The following LRRTM4 variants were observed in gnomAD, a reference collection of about 807,000 sequenced individuals.
LRRTM4 encodes the protein leucine-rich repeat transmembrane neuronal protein 4.
A neutral mutation model predicts 47.6 loss-of-function variants in LRRTM4; 25 were observed. The observed-to-expected ratio is 0.53, with a 90% confidence interval of 0.38 to 0.73. LRRTM4 has a LOEUF of 0.73. LRRTM4 is among the 30% of genes least tolerant of loss of function. LRRTM4 has a pLI of 0.00. For synonymous variants in LRRTM4, 311 were observed against 269.5 expected (o/e 1.15, Z -1.51); for missense variants, 638 against 713.4 (o/e 0.89, Z 1.20).
At position 77,459,802 on chromosome 2, in the gene LRRTM4, T is replaced by G. The variant is rs566288520; in HGVS notation, c.1551+58516A>C. On this transcript the variant is annotated intron_variant, in intron 3 of 3. Coordinates refer to ENST00000409884, the MANE Select transcript of LRRTM4 (RefSeq NM_001134745.3). ...GAAAATATCTCCTCAATAAAGCCAA[T>G]GTACAGACAAACAAACAACACCTTA... 1.3e-4 allele frequency among the ~76,000 whole-genome samples: 19 copies of G among 149,640 alleles called. No homozygotes were observed. In the South Asian group the frequency reaches 4.0e-3, roughly 32 times the overall value.
intron 3 of LRRTM4, among the ~76,000 whole-genome samples, chr2:77,187,345 G>C (rs1315995362): frequency 6.6e-6 from 1 of 151,882 alleles, no homozygotes; most frequent in Non-Finnish European, 1.5e-5. Flanking sequence ...TTTCTCCTGA[G>C]AACACTTCTT....
chr2:77,499,657 A>G (rs1003380402), intron 3 of LRRTM4, among the ~76,000 whole-genome samples: 26 of 151,958 alleles, frequency 1.7e-4, no homozygotes, highest in African/African-American at 6.3e-4. Context: ...ACAACAAAAA[A>G]GCTTACGACT....
intron 3 of LRRTM4, among the ~76,000 whole-genome samples, chr2:76,799,685 T>C (rs1229993423): frequency 3.8e-5 from 5 of 131,902 alleles, no homozygotes; most frequent in South Asian, 2.7e-4. Flanking sequence ...GATGACATGA[T>C]TGTATATCTA....
chr2:77,226,320 A>T (rs12613224), intron 3 of LRRTM4, among the ~76,000 whole-genome samples: 1 of 151,490 alleles, frequency 6.6e-6, no homozygotes. Context: ...ACAAAGCAAA[A>T]GTAAAAATTA....
intron 3 of LRRTM4, among the ~76,000 whole-genome samples, chr2:77,085,911 T>C (rs921934639): frequency 6.6e-6 from 1 of 152,176 alleles, no homozygotes. Context: ...ACAAAACTTA[T>C]GTGGGTAATG....
chr2:76,894,134 A>G (rs570149488), intron 3 of LRRTM4, among the ~76,000 whole-genome samples: 33 of 152,170 alleles, frequency 2.2e-4, no homozygotes, highest in African/African-American at 7.9e-4. Context: ...ATTCACAGAA[A>G]GAAATACTTG....
Position 76,748,833 on chromosome 2 carries a change from A to G in LRRTM4, c.1635T>C (p.His545=), listed in dbSNP as rs1170601942. Residue 545 remains histidine, a synonymous_variant, in exon 4 of 4, where the codon CAT becomes CAC. Transcript: ENST00000409884. ...ACACTGTCTCATAGCCCTTGGTGACATGGAGTGGCTGGTGGGCCTGGCAGT... is the reference window on the plus strand; with the variant it reads ...ACACTGTCTCATAGCCCTTGGTGACGTGGAGTGGCTGGTGGGCCTGGCAGT... The part of the protein sequence containing the change: ...IGYCQAHQPL[H]VTKGYETVSP... 6.8e-6 allele frequency: 11 copies of G among 1,613,862 alleles called. No homozygotes were observed. The highest frequency in any genetic ancestry group is 1.3e-5 in the African/African-American group (1 of 74,932).
intron 3 of LRRTM4, among the ~76,000 whole-genome samples, chr2:76,908,457 A>G (rs1255637481): frequency 1.3e-5 from 2 of 150,698 alleles, no homozygotes; most frequent in Admixed American, 6.6e-5. Context: ...CTCTCTCACC[A>G]CTCCTATTCA....
rs1329670540 is a variant in LRRTM4 at position 76,748,810 on chromosome 2, A to G, written c.1658T>C (p.Val553Ala). ...GGGGCTTTCGTCCTGCTCTGGAGACACTGTCTCATAGCCCTTGGTGACATG... is the reference window on the plus strand; with the variant it reads ...GGGGCTTTCGTCCTGCTCTGGAGACGCTGTCTCATAGCCCTTGGTGACATG... ...PLHVTKGYET[V>A]SPEQDESPGL... The change falls in exon 4 of 4, where the codon GTG becomes GCG. Residue 553 changes from valine (V) to alanine (A), a missense_variant. Coordinates refer to ENST00000409884, the MANE Select transcript of LRRTM4 (RefSeq NM_001134745.3). The G allele has an allele frequency of 3.7e-6, 6 of 1,613,888 alleles. No individual in the cohort carries two copies. Among genetic ancestry groups the G allele is most frequent in the Non-Finnish European group, 5.1e-6 (6 of 1,179,900 alleles).
chr2:76,801,610 C>T (rs144988425), intron 3 of LRRTM4, among the ~76,000 whole-genome samples: 3,012 of 151,952 alleles, frequency 0.02, 60 homozygotes, highest in East Asian at 0.1. Context: ...CACATATATA[C>T]ATATGTGACT....
At chr2:76,932,079 A>G (rs909678289) in intron 3 of LRRTM4, among the ~76,000 whole-genome samples, 2 of 152,144 alleles carry the variant, frequency 1.3e-5, no homozygotes, top group Non-Finnish European at 2.9e-5. Context: ...TGCCCTTTCA[A>G]CGTGAATTTT....
chr2:76,755,608 T>C (rs781472732), intron 3 of LRRTM4, among the ~76,000 whole-genome samples: 54 of 152,152 alleles, frequency 3.5e-4, no homozygotes, highest in Non-Finnish European at 5.3e-4. Context: ...TGCAAAACTA[T>C]GAATCTCTCA....
At chr2:77,486,975 A>G (rs1275082642) in intron 3 of LRRTM4, among the ~76,000 whole-genome samples, 11 of 152,268 alleles carry the variant, frequency 7.2e-5, no homozygotes. Context: ...ACTTGTGCAC[A>G]TAATTTAAAT....
chr2:77,255,719 A>C (rs1401734553), intron 3 of LRRTM4, among the ~76,000 whole-genome samples: 1 of 152,088 alleles, frequency 6.6e-6, no homozygotes, highest in Admixed American at 6.6e-5. Flanking sequence ...AATACATTTA[A>C]CTGAATAAAA....
At position 76,795,582 on chromosome 2, in the gene LRRTM4, C is replaced by CAA. The variant is rs1675248892; in HGVS notation, c.1552-46667_1552-46666insTT. Among the ~76,000 whole-genome samples, 4 of 101,206 alleles carry CAA rather than the reference C, an allele frequency of 4.0e-5. No individual in the cohort carries two copies. In the Admixed American group the frequency reaches 4.3e-4, roughly 11 times the overall value. The allele number at this position is 101,206 out of a possible 152,430, so 66.4% of individuals were successfully genotyped here. A position where few individuals can be genotyped will look rare whatever the true frequency, so the allele number is the denominator to read the frequency against. On this transcript the variant is annotated intron_variant, in intron 3 of 3. Transcript: ENST00000409884. Reference sequence around the variant, plus strand: ...ATATATACATGTGCATATATATGCACACACACACATACACACACACTACAT... The same window carrying CAA: ...ATATATACATGTGCATATATATGCACAAACACACACATACACACACACTACAT...
At chr2:77,446,275 T>A (rs1458590714) in intron 3 of LRRTM4, among the ~76,000 whole-genome samples, 1 of 151,988 alleles carries the variant, frequency 6.6e-6, no homozygotes. Flanking sequence ...TTTTGTGTAT[T>A]GTAGGATGTA....
intron 3 of LRRTM4, among the ~76,000 whole-genome samples, chr2:76,894,754 C>T (rs1277928211): frequency 2.0e-5 from 3 of 151,534 alleles, no homozygotes; most frequent in South Asian, 2.1e-4. Context: ...ATTTGCTCAC[C>T]GAATATCTGT....
rs73940355 is a variant in LRRTM4 at position 77,118,166 on chromosome 2, G to T, written c.1552-369250C>A. Among the ~76,000 whole-genome samples the T allele has an allele frequency of 3.5e-3, 526 of 151,750 alleles. 2 individuals are homozygous for T. The highest frequency in any genetic ancestry group is 0.012 in the African/African-American group (483 of 41,478). ...CAAATGCTGTCACTACTAGAAATTG[G>T]TAGATTTTTTTGTAGAGACGTCACC... On this transcript the variant is annotated intron_variant, in intron 3 of 3. Coordinates refer to ENST00000409884, the MANE Select transcript of LRRTM4 (RefSeq NM_001134745.3).
At chr2:77,149,728 G>C (rs1672364332) in intron 3 of LRRTM4, among the ~76,000 whole-genome samples, 1 of 152,144 alleles carries the variant, frequency 6.6e-6, no homozygotes, top group Non-Finnish European at 1.5e-5. Context: ...ATGTGCCTTG[G>C]CAGAGACATA....
Sources: gnomAD v4.1 joint callset for allele counts (sites outside exome capture counted in the v4.1 genomes callset) on GRCh38, gnomAD v4.1.1 for gene constraint, MANE v1.5 for transcripts, NCBI Gene and HGNC (gene_info 2026-07-23, HGNC 2026-07-21) for gene names.